The following CDH24 variants were observed in gnomAD, a reference collection of about 807,000 sequenced individuals.
CDH24 encodes the protein cadherin 24.
Under a neutral mutation model 71.2 loss-of-function variants are expected in CDH24, and 61 were observed. The observed-to-expected ratio is 0.86, with a 90% CI of 0.70 to 1.06. The LOEUF (loss-of-function observed/expected upper bound fraction) is 1.06, where lower values mean the gene tolerates loss of function less well. Among genes scored for constraint, CDH24 ranks in the 50% least tolerant of loss-of-function variants. The pLI is 0.00. For synonymous variants in CDH24, 440 were observed against 470.2 expected (o/e 0.94, Z 0.83); for missense variants, 961 against 1,083.7 (o/e 0.89, Z 1.59).
rs375215742 is a variant in CDH24, at chr14:23,048,354, C to T, written c.1972G>A (p.Glu658Lys). ...TGCAAGGCCGTGATGTCGAAGGCCT[C>T]GGTGTCCTCCTCGCCGCCGCCCTCG... ...DDEGGGEEDT[E>K]AFDITALQNP... Residue 658 changes from glutamate (E) to lysine (K), a missense_variant, in exon 12 of 13, where the codon GAG becomes AAG. Transcript: ENST00000487137. 19 of 1,611,816 alleles carry T rather than the reference C, an allele frequency of 1.2e-5. No individual in the cohort carries two copies. Among genetic ancestry groups the T allele is most frequent in the African/African-American group, 2.7e-5 (2 of 74,844 alleles).
intron 8 of CDH24, chr14:23,052,248 C>A: frequency 1.4e-6 from 1 of 717,644 alleles, no homozygotes. Flanking sequence ...GCCTAGGGGA[C>A]TAGGAGACCA....
chr14:23,047,872 G>C lies in CDH24; in HGVS notation c.*108C>G. The C allele has an allele frequency of 1.3e-6, 1 of 793,652 alleles. No individual in the cohort carries two copies. Among genetic ancestry groups the C allele is most frequent in the Non-Finnish European group, 1.7e-6 (1 of 584,490 alleles). 49.2% of individuals were successfully genotyped at this position (793,652 alleles called of 1,614,324 possible). On this transcript the variant is annotated 3_prime_UTR_variant, in exon 12 of 13. Transcript: ENST00000487137. ...AGGAGGGACACAAGGACAGGGAGGA[G>C]GCCTGGGGCCCCTGGGCTGCTGCCG...
In CDH24 at chr14:23,048,062, G is replaced by T. The variant is rs1292321555; in HGVS notation, c.2264C>A (p.Pro755His). Residue 755 changes from proline (P) to histidine (H), a missense_variant, in exon 12 of 13, where the codon CCC becomes CAC. By Grantham distance (77) the Pro-to-His change is moderately conservative. Coordinates refer to ENST00000487137, the MANE Select transcript of CDH24 (RefSeq NM_144985.4). ...ACCCCAGTCGTCCAGCGGCTCCGCG[G>T]GGCCGGGGGCGCCGCCGGCTTCGCT... Reference protein sequence around the residue: ...SGSEAGGAPGPAEPLDDWGPL... With the variant: ...SGSEAGGAPGHAEPLDDWGPL... The T allele has an allele frequency of 1.9e-5, 27 of 1,435,996 alleles. No homozygotes were observed. Among genetic ancestry groups the T allele is most frequent in the Non-Finnish European group, 2.4e-5 (26 of 1,099,714 alleles). The allele number at this position is 1,435,996 out of a possible 1,614,324, so 89.0% of individuals were successfully genotyped here.
chr14:23,055,816 G>C lies in CDH24; in HGVS notation c.-83C>G, dbSNP rs2047125428. On this transcript the variant is annotated 5_prime_UTR_variant, in exon 2 of 13. Transcript: ENST00000487137. The surrounding 1 kb of genome is among the most constrained non-coding windows in gnomAD (Gnocchi z 4.1). ...CCACGTGGCCCATGAGCTGGCTGGG[G>C]TGGAGGGGCAGATGCGTTGAGGCTA... The C allele has an allele frequency of 8.1e-7, 1 of 1,234,838 alleles. No homozygotes were observed. The highest frequency in any genetic ancestry group is 1.1e-6 in the Non-Finnish European group (1 of 905,802). 76.5% of individuals were successfully genotyped at this position (1,234,838 alleles called of 1,614,324 possible). A position where few individuals can be genotyped will look rare whatever the true frequency, so the allele number is the denominator to read the frequency against.
At position 23,055,490 on chromosome 14, in the gene CDH24, G is replaced by A. The variant is rs760899910; in HGVS notation, c.201+43C>T. ...GTGATGAAGTTGCAGGGCAGGGCCT[G>A]AGGGCTTGGTGTCAGAGTAGACATG... On this transcript the variant is annotated intron_variant, in intron 2 of 12. Transcript: ENST00000487137. This position sits in a 1 kb window ranked among gnomAD's most constrained non-coding sequence, Gnocchi z 4.1. 1.2e-6 allele frequency: 2 copies of A among 1,606,830 alleles called. No individual in the cohort carries two copies. Among genetic ancestry groups the A allele is most frequent in the Admixed American group, 1.7e-5 (1 of 59,732 alleles).
At chr14:23,053,425 C>A in intron 7 of CDH24, 71 bp downstream of exon 7, 1 of 1,439,246 alleles carries the variant, frequency 6.9e-7, no homozygotes, top group East Asian at 2.4e-5. Flanking sequence ...AGGTAGGGGG[C>A]ACATTTACTC....
At chr14:23,052,834 G>A (rs1233544126) in intron 7 of CDH24, among the ~76,000 whole-genome samples, 4 of 152,064 alleles carry the variant, frequency 2.6e-5, no homozygotes, top group South Asian at 4.1e-4. Context: ...GGGGGGAGGG[G>A]GAGAAGACAC....
chr14:23,054,144 G>T lies in CDH24; in HGVS notation c.969C>A (p.Arg323=), dbSNP rs139832060. The T allele has an allele frequency of 3.3e-3, 5,240 of 1,593,938 alleles. 12 individuals are homozygous for T. The highest frequency in any genetic ancestry group is 4.1e-3 in the South Asian group (369 of 89,506). The change falls in exon 6 of 13, where the codon CGC becomes CGA. Residue 323 remains arginine, a synonymous_variant. Coordinates refer to ENST00000487137, the MANE Select transcript of CDH24 (RefSeq NM_144985.4). The surrounding 1 kb of genome is among the most constrained non-coding windows in gnomAD (Gnocchi z 5.2). ...LQGRDGLLTV[R]KPLDFESQRS... is the part of the protein sequence containing the mutation. Reference sequence around the variant, plus strand: ...CATTAACAGGCAGGAGGCTAACCTTGCGGACAGTGAGGAGCCCGTCTCGAC... The same window carrying T: ...CATTAACAGGCAGGAGGCTAACCTTTCGGACAGTGAGGAGCCCGTCTCGAC...
At chr14:23,050,221 A>C in intron 8 of CDH24, 10 of 328,200 alleles carry the variant, frequency 3.0e-5, no homozygotes, top group East Asian at 1.3e-4. Flanking sequence ...AATAACCCAC[A>C]TGCAGGGCAC....
chr14:23,055,686 G>T lies in CDH24; in HGVS notation c.48C>A (p.Gly16=). Residue 16 remains glycine (G), a synonymous_variant, in exon 2 of 13, where the codon GGC becomes GGA. Coordinates refer to ENST00000487137, the MANE Select transcript of CDH24 (RefSeq NM_144985.4). This position sits in a 1 kb window ranked among gnomAD's most constrained non-coding sequence, Gnocchi z 4.1. The part of the protein sequence containing the change: ...RLLLAWLGGW[G]CMGRLAAPAR... ...CTGGGGCTGCCAGACGCCCCATGCAGCCCCAGCCACCCAGCCAGGCCAGCA... is the reference window on the plus strand; with the variant it reads ...CTGGGGCTGCCAGACGCCCCATGCATCCCCAGCCACCCAGCCAGGCCAGCA... The T allele has an allele frequency of 6.2e-7, 1 of 1,601,048 alleles. No homozygotes were observed. Among genetic ancestry groups the T allele is most frequent in the Non-Finnish European group, 8.5e-7 (1 of 1,176,188 alleles).
At chr14:23,049,371 C>G in intron 10 of CDH24, 96 bp from the exon 11 acceptor site, 1 of 1,225,304 alleles carries the variant, frequency 8.2e-7, no homozygotes, top group Non-Finnish European at 1.1e-6. Context: ...AGCCAGCCCC[C>G]CATAGAGCCA....
Position 23,047,967 on chromosome 14 carries a change from C to G in CDH24, c.*13G>C. 1 of 1,314,422 alleles carries G rather than the reference C, an allele frequency of 7.6e-7. No homozygotes were observed. The highest frequency in any genetic ancestry group is 2.0e-5 in the South Asian group (1 of 49,386). 81.4% of individuals were successfully genotyped at this position (1,314,422 alleles called of 1,614,324 possible). ...TGCCCCCCCCCCGCGGTGGGCCGGG[C>G]CAGCCCGGGCGCTCAGGGGGCCGGG... On this transcript the variant is annotated 3_prime_UTR_variant, in exon 12 of 13. Coordinates refer to ENST00000487137, the MANE Select transcript of CDH24 (RefSeq NM_144985.4).
chr14:23,054,885 C>G lies in CDH24; in HGVS notation c.497-19G>C. ...GATGTCCCTGTGGGGGATGCCAGCACGCCATTCAGCAGCAGCAGGGAAGGA... is the reference window on the plus strand; with the variant it reads ...GATGTCCCTGTGGGGGATGCCAGCAGGCCATTCAGCAGCAGCAGGGAAGGA... On this transcript the variant is annotated intron_variant, in intron 3 of 12. Transcript: ENST00000487137. This position sits in a 1 kb window ranked among gnomAD's most constrained non-coding sequence, Gnocchi z 5.2. 6.2e-7 allele frequency: 1 copy of G among 1,611,786 alleles called. No individual in the cohort carries two copies. Among genetic ancestry groups the G allele is most frequent in the Non-Finnish European group, 8.5e-7 (1 of 1,179,886 alleles).
rs1400390746 is a variant in CDH24, at chr14:23,050,110, G to A, written c.1364-167C>T. 4 of 898,318 alleles carry A rather than the reference G, an allele frequency of 4.5e-6. No individual in the cohort carries two copies. In the Admixed American group the frequency reaches 8.2e-5, roughly 18 times the overall value. The allele number at this position is 898,318 out of a possible 1,614,324, so 55.6% of individuals were successfully genotyped here. A position where few individuals can be genotyped will look rare whatever the true frequency, so the allele number is the denominator to read the frequency against. On this transcript the variant is annotated intron_variant, in intron 8 of 12. Coordinates refer to ENST00000487137, the MANE Select transcript of CDH24 (RefSeq NM_144985.4). ...TAGAAAACAATGTTGCAGAATGAAT[G>A]GAACAATACCAAGTGCATACAATAT...
At chr14:23,053,327 C>T (rs370127738) in intron 7 of CDH24, among the ~76,000 whole-genome samples, 169 bp downstream of exon 7, 26 of 152,212 alleles carry the variant, frequency 1.7e-4, no homozygotes, top group African/African-American at 5.1e-4. Context: ...CCAGGCCCTC[C>T]GGCTCTCCCC....
rs376932486 is a variant in CDH24 at position 23,047,943 on chromosome 14, G to GC, written c.*36dup. ...CTCACTCAGAGGGCCTGTGCCCGCTGCCCCCCCCCCGCGGTGGGCCGGGCC... is the reference window on the plus strand; with the variant it reads ...CTCACTCAGAGGGCCTGTGCCCGCTGCCCCCCCCCCCGCGGTGGGCCGGGCC... On this transcript the variant is annotated 3_prime_UTR_variant, in exon 12 of 13. Coordinates refer to ENST00000487137, the MANE Select transcript of CDH24 (RefSeq NM_144985.4). 0.059 allele frequency: 57,859 copies of GC among 986,060 alleles called. 310 individuals are homozygous for GC. The highest frequency in any genetic ancestry group is 0.082 in the African/African-American group (4,681 of 57,062). The allele number at this position is 986,060 out of a possible 1,614,324, so 61.1% of individuals were successfully genotyped here.
At position 23,055,948 on chromosome 14, in the gene CDH24, C is replaced by G; in HGVS notation, c.-124-91G>C. Reference sequence around the variant, plus strand: ...GCTGAAGACCAGACCTCCAAGGAACCAGACACTCCACTGCCCAGAACTCAG... The same window carrying G: ...GCTGAAGACCAGACCTCCAAGGAACGAGACACTCCACTGCCCAGAACTCAG... On this transcript the variant is annotated intron_variant, in intron 1 of 12. Transcript: ENST00000487137. The surrounding 1 kb of genome is among the most constrained non-coding windows in gnomAD (Gnocchi z 4.1). 1 of 559,482 alleles carries G rather than the reference C, an allele frequency of 1.8e-6. No homozygotes were observed. Among genetic ancestry groups the G allele is most frequent in the Admixed American group, 3.0e-5 (1 of 32,908 alleles). The allele number at this position is 559,482 out of a possible 1,614,324, so 34.7% of individuals were successfully genotyped here.
chr14:23,054,565 C>G lies in CDH24; in HGVS notation c.725G>C (p.Ser242Thr). 1.2e-6 allele frequency: 2 copies of G among 1,614,090 alleles called. No homozygotes were observed. Among genetic ancestry groups the G allele is most frequent in the East Asian group, 4.5e-5 (2 of 44,880 alleles). ...MGGHMGGLSGSTTVTVTLSDV... is the reference protein window; with the variant it reads ...MGGHMGGLSGTTTVTVTLSDV... ...GCTGAGCGTGACAGTCACCGTAGTG[C>G]TGCCTGACAGCCCCCCCATGTGGCC... Residue 242 changes from serine (S) to threonine (T), a missense_variant, in exon 5 of 13, where the codon AGC becomes ACC. This residue lies in a region of CDH24 where 671 missense variants were observed against 810.9 expected (regional missense o/e 0.83). Transcript: ENST00000487137. The surrounding 1 kb of genome is among the most constrained non-coding windows in gnomAD (Gnocchi z 5.2).
chr14:23,054,582 C>G lies in CDH24; in HGVS notation c.708G>C (p.Met236Ile), dbSNP rs762343545. The change falls in exon 5 of 13, where the codon ATG (methionine) becomes ATC (isoleucine). Residue 236 changes from methionine to isoleucine, a missense_variant. This residue lies in a region of CDH24 where 671 missense variants were observed against 810.9 expected (regional missense o/e 0.83). Transcript: ENST00000487137. The surrounding 1 kb of genome is among the most constrained non-coding windows in gnomAD (Gnocchi z 5.2). ...VIQAKDMGGH[M>I]GGLSGSTTVT... The stretch of plus-strand genomic sequence containing the variant: ...CCGTAGTGCTGCCTGACAGCCCCCC[C>G]ATGTGGCCGCCCATGTCCTTGGCCT... The G allele has an allele frequency of 2.5e-6, 4 of 1,614,140 alleles. No homozygotes were observed. The highest frequency in any genetic ancestry group is 3.4e-6 in the Non-Finnish European group (4 of 1,180,002).
Sources: gnomAD v4.1 joint callset for allele counts (sites outside exome capture counted in the v4.1 genomes callset) on GRCh38, gnomAD v4.1.1 for gene constraint, gnomAD v4.1.1 regional missense constraint, Gnocchi (gnomAD v3.1) non-coding constraint, MANE v1.5 for transcripts, NCBI Gene and HGNC (gene_info 2026-07-23, HGNC 2026-07-21) for gene names.